DGKB: variants seen among roughly 807,000 people sequenced by gnomAD.
The protein encoded by DGKB is diacylglycerol kinase beta.
A neutral mutation model predicts 114.3 loss-of-function variants in DGKB; 67 were observed. The ratio of observed to expected loss-of-function variants is 0.59; its 90% CI spans 0.48 to 0.72. The LOEUF (loss-of-function observed/expected upper bound fraction) is 0.72. DGKB is among the 30% of genes least tolerant of loss of function. The pLI is 0.00. For missense variants in DGKB, 907 were observed against 975.2 expected (o/e 0.93, Z 0.93); for synonymous variants, 398 against 323.1 (o/e 1.23, Z -2.49).
chr7:14,743,549 G>A (rs1366251153), intron 4 of DGKB, among the ~76,000 whole-genome samples: 2 of 152,134 alleles, frequency 1.3e-5, no homozygotes, highest in Non-Finnish European at 2.9e-5. Flanking sequence ...GGTCCCTAGA[G>A]CATCTAGAAG....
chr7:14,393,080 C>T (rs1207832624), intron 21 of DGKB, among the ~76,000 whole-genome samples: 3 of 146,878 alleles, frequency 2.0e-5, no homozygotes, highest in African/African-American at 7.5e-5. Flanking sequence ...GCTCTGCCCC[C>T]TGGGGTTCAC....
chr7:14,206,422 G>A (rs554347542), intron 23 of DGKB, among the ~76,000 whole-genome samples: 2 of 152,110 alleles, frequency 1.3e-5, no homozygotes, highest in East Asian at 3.9e-4. Context: ...TACAGCAAAA[G>A]GTGAGATGAA....
chr7:14,247,298 T>A (rs891219324), intron 23 of DGKB, among the ~76,000 whole-genome samples: 1 of 152,202 alleles, frequency 6.6e-6, no homozygotes, highest in Non-Finnish European at 1.5e-5. Context: ...CTATTCTGAA[T>A]AATGCGGCAA....
intron 13 of DGKB, among the ~76,000 whole-genome samples, chr7:14,636,832 CTAAT>C (rs1810844322): frequency 6.6e-6 from 1 of 151,874 alleles, no homozygotes; most frequent in African/African-American, 2.4e-5. Flanking sequence ...TGTGAAAACA[CTAAT>C]TATTTTTGTC....
At chr7:14,383,416 A>T (rs1257500812) in intron 21 of DGKB, among the ~76,000 whole-genome samples, 1 of 152,220 alleles carries the variant, frequency 6.6e-6, no homozygotes, top group African/African-American at 2.4e-5. Context: ...AGCATATATC[A>T]TGAAGTCCAA....
intron 1 of DGKB, among the ~76,000 whole-genome samples, chr7:14,943,824 G>A (rs1404369355): frequency 6.6e-6 from 1 of 151,754 alleles, no homozygotes; most frequent in Non-Finnish European, 1.5e-5. Context: ...TATTACTTCT[G>A]AATTCTTTAC....
At chr7:14,684,142 T>G (rs1027575945) in intron 10 of DGKB, among the ~76,000 whole-genome samples, 1 of 152,168 alleles carries the variant, frequency 6.6e-6, no homozygotes, top group African/African-American at 2.4e-5. Flanking sequence ...GTAACTTTAT[T>G]AAAATTCGTA....
intron 13 of DGKB, among the ~76,000 whole-genome samples, chr7:14,656,753 T>TACACACACACACAC (rs56208974): frequency 0.011 from 1,648 of 149,304 alleles, 33 homozygotes; most frequent in African/African-American, 0.038. Context: ...ATAGGATATA[T>TACACACACACACAC]ACACACACAC....
At chr7:14,291,454 A>T (rs1801753985) in intron 23 of DGKB, among the ~76,000 whole-genome samples, 1 of 152,160 alleles carries the variant, frequency 6.6e-6, no homozygotes, top group Admixed American at 6.6e-5. Flanking sequence ...TGCTTGAAGT[A>T]AAATGAGGTC....
chr7:14,351,377 GA>G (rs1362313121), intron 21 of DGKB, among the ~76,000 whole-genome samples: 2 of 152,234 alleles, frequency 1.3e-5, no homozygotes, highest in African/African-American at 4.8e-5. Flanking sequence ...AGCACTCCCA[GA>G]GTAGCTGCAG....
chr7:14,338,376 A>G (rs1811051416), intron 23 of DGKB, 139 bp downstream of exon 23: 2 of 480,052 alleles, frequency 4.2e-6, no homozygotes, highest in South Asian at 6.1e-5. Flanking sequence ...TTAATCACAC[A>G]TGGGTATCCC....
At chr7:14,348,730 T>G (rs1445557839) in intron 21 of DGKB, among the ~76,000 whole-genome samples, 1 of 151,850 alleles carries the variant, frequency 6.6e-6, no homozygotes, top group Admixed American at 6.6e-5. Flanking sequence ...GAGCCAAGTA[T>G]TGTAGGAACA....
chr7:14,644,956 C>A (rs1402728141), intron 13 of DGKB, among the ~76,000 whole-genome samples: 1 of 152,136 alleles, frequency 6.6e-6, no homozygotes, highest in Non-Finnish European at 1.5e-5. Flanking sequence ...ACCCAACCTT[C>A]CAGCAAAGGA....
chr7:14,721,126 T>C (rs1014634282), intron 5 of DGKB, among the ~76,000 whole-genome samples: 5 of 152,056 alleles, frequency 3.3e-5, no homozygotes, highest in African/African-American at 1.2e-4. Context: ...TATAGAAAAA[T>C]TCAGAACAAA....
At chr7:14,352,901 C>T (rs1813742197) in intron 21 of DGKB, among the ~76,000 whole-genome samples, 1 of 151,858 alleles carries the variant, frequency 6.6e-6, no homozygotes. Flanking sequence ...TCAGCCTGGG[C>T]AACAAGAGCG....
intron 23 of DGKB, among the ~76,000 whole-genome samples, chr7:14,187,452 C>T (rs1783611235): frequency 1.3e-5 from 2 of 152,168 alleles, no homozygotes; most frequent in African/African-American, 4.8e-5. Context: ...CATGCTTGGT[C>T]CAACAGCTGG....
chr7:14,443,293 G>T (rs1388247530), intron 21 of DGKB, among the ~76,000 whole-genome samples: 1 of 152,036 alleles, frequency 6.6e-6, no homozygotes, highest in East Asian at 1.9e-4. Context: ...TTACTTTGTT[G>T]TTGACCTCTC....
At position 14,148,609 on chromosome 7, in the gene DGKB, T is replaced by C. The variant is rs1407814552; in HGVS notation, c.*522A>G. ...GAAAAACTATGTATATATAGCAAGG[T>C]ATTGTAGTCAACTATTTAATAAAAT... is the stretch of plus-strand genomic sequence containing the variant. On this transcript the variant is annotated 3_prime_UTR_variant, in exon 26 of 26. Transcript: ENST00000402815. 1 of 156,586 alleles carries C rather than the reference T, an allele frequency of 6.4e-6. No individual in the cohort carries two copies. The highest frequency in any genetic ancestry group is 6.3e-5 in the Admixed American group (1 of 15,954). 9.7% of individuals were successfully genotyped at this position (156,586 alleles called of 1,614,324 possible).
chr7:14,698,195 T>A (rs140603056), intron 7 of DGKB, 26 bp from the exon 8 acceptor site: 62 of 1,367,800 alleles, frequency 4.5e-5, no homozygotes, highest in Non-Finnish European at 6.1e-5. Context: ...AGATAAAAAA[T>A]ATGAATACAA....
Sources: gnomAD v4.1 joint callset for allele counts (sites outside exome capture counted in the v4.1 genomes callset) on GRCh38, gnomAD v4.1.1 for gene constraint, MANE v1.5 for transcripts, NCBI Gene and HGNC (gene_info 2026-07-23, HGNC 2026-07-21) for gene names.